The following EIF4H variants were observed in gnomAD, a reference collection of about 807,000 sequenced individuals.
The protein encoded by EIF4H is eukaryotic translation initiation factor 4H.
A neutral mutation model predicts 30.6 loss-of-function variants in EIF4H; 8 were observed. That is an observed-to-expected ratio of 0.26 (90% CI 0.15 to 0.47). EIF4H has a LOEUF of 0.47. Ranked by LOEUF, EIF4H falls within the 20% of genes least tolerant of loss-of-function variation. The pLI, the probability that EIF4H is intolerant of heterozygous loss-of-function variation, is 0.99. For synonymous variants in EIF4H, 106 were observed against 122.7 expected (o/e 0.86, Z 0.90); for missense variants, 188 against 339.5 (o/e 0.55, Z 3.51).
chr7:74,176,165 A>T (rs115682218), intron 1 of EIF4H, among the ~76,000 whole-genome samples: 2,541 of 152,242 alleles, frequency 0.017, 63 homozygotes, highest in African/African-American at 0.058. Context: ...GAAACTACAT[A>T]AAGTATTGCT....
At chr7:74,186,189 G>A (rs903919799) in intron 1 of EIF4H, among the ~76,000 whole-genome samples, 13 of 151,054 alleles carry the variant, frequency 8.6e-5, no homozygotes, top group South Asian at 4.2e-4. Flanking sequence ...GGCAAATATC[G>A]TTTAATATAA....
At chr7:74,185,890 G>T (rs1056454173) in intron 1 of EIF4H, among the ~76,000 whole-genome samples, 1 of 152,074 alleles carries the variant, frequency 6.6e-6, no homozygotes, top group Non-Finnish European at 1.5e-5. Flanking sequence ...GAGCAAACAG[G>T]AAATGGGTTA....
In EIF4H at chr7:74,189,981, C is replaced by T. The variant is rs1450431290; in HGVS notation, c.409+63C>T. 1.2e-5 allele frequency: 19 copies of T among 1,559,868 alleles called. No homozygotes were observed. In the Admixed American group the frequency reaches 2.0e-4, roughly 16 times the overall value. On this transcript the variant is annotated intron_variant, in intron 4 of 6. Coordinates refer to ENST00000265753, the MANE Select transcript of EIF4H (RefSeq NM_022170.2). ...TGCAGTATGCCTACCAATTCCAACT[C>T]GTGAACGTTCCTAGTAGAACTCGAT... is the stretch of plus-strand genomic sequence containing the variant.
chr7:74,184,893 C>T (rs1300510107), intron 1 of EIF4H, among the ~76,000 whole-genome samples: 2 of 152,080 alleles, frequency 1.3e-5, no homozygotes, highest in African/African-American at 2.4e-5. Context: ...GTTGGCCAGG[C>T]TGGTCTTGAA....
At chr7:74,184,501 A>T (rs1365318960) in intron 1 of EIF4H, among the ~76,000 whole-genome samples, 1 of 152,076 alleles carries the variant, frequency 6.6e-6, no homozygotes, top group African/African-American at 2.4e-5. Flanking sequence ...TATACGTCCC[A>T]CACAACTGTG....
intron 5 of EIF4H, 35 bp downstream of exon 5, chr7:74,190,341 C>T: frequency 6.2e-7 from 1 of 1,600,916 alleles, no homozygotes; most frequent in Non-Finnish European, 8.6e-7. Context: ...CTTAATTTTT[C>T]CTAGGAGCCT....
intron 5 of EIF4H, chr7:74,191,105 A>G (rs1554709859): frequency 1.9e-6 from 1 of 517,708 alleles, no homozygotes; most frequent in Non-Finnish European, 3.9e-6. Flanking sequence ...GGACTGGTGC[A>G]CGCTGTCTTG....
chr7:74,186,788 A>ATTTTTTTTTTTTTTTTTT (rs564794579), intron 1 of EIF4H, among the ~76,000 whole-genome samples: 1 of 70,088 alleles, frequency 1.4e-5, no homozygotes, highest in African/African-American at 4.9e-5. Flanking sequence ...ACAAGGAGAA[A>ATTTTTTTTTTTTTTTTTT]TTTTTTTTTT....
At chr7:74,192,796 G>T (rs1376851319) in intron 5 of EIF4H, among the ~76,000 whole-genome samples, 1 of 148,678 alleles carries the variant, frequency 6.7e-6, no homozygotes, top group Non-Finnish European at 1.5e-5. Flanking sequence ...TCCTGCCTCA[G>T]CCTCCCAAGT....
At chr7:74,177,127 T>A (rs1218161640) in intron 1 of EIF4H, among the ~76,000 whole-genome samples, 1 of 152,152 alleles carries the variant, frequency 6.6e-6, no homozygotes, top group African/African-American at 2.4e-5. Context: ...GAATTCTTTT[T>A]TAAATAGAGA....
At chr7:74,177,845 G>A (rs1370766303) in intron 1 of EIF4H, among the ~76,000 whole-genome samples, 1 of 152,228 alleles carries the variant, frequency 6.6e-6, no homozygotes, top group African/African-American at 2.4e-5. Context: ...GAATAAGGCA[G>A]ACCAGAGTTT....
rs560466954 is a variant in EIF4H, at chr7:74,196,886, C to T, written c.*1578C>T. On this transcript the variant is annotated 3_prime_UTR_variant, in exon 7 of 7. Transcript: ENST00000265753. ...ATGCATTATGTGGTGTAATCAAACC[C>T]GATGCTTTCAGATGACCTACTTACA... 8 of 152,754 alleles carry T rather than the reference C, an allele frequency of 5.2e-5. No individual in the cohort carries two copies. Among genetic ancestry groups the T allele is most frequent in the South Asian group, 4.1e-4 (2 of 4,830 alleles). The allele number at this position is 152,754 out of a possible 1,614,324, so 9.5% of individuals were successfully genotyped here.
chr7:74,190,209 G>T (rs1554709711), intron 4 of EIF4H, 38 bp from the exon 5 acceptor site: 1 of 1,603,136 alleles, frequency 6.2e-7, no homozygotes, highest in Non-Finnish European at 8.5e-7. Context: ...GCAAGGTAAT[G>T]ACACGACCTC....
chr7:74,180,608 T>TA (rs1800938516), intron 1 of EIF4H, among the ~76,000 whole-genome samples: 1 of 152,238 alleles, frequency 6.6e-6, no homozygotes, highest in South Asian at 2.1e-4. Context: ...AAATGTGGAA[T>TA]ATTGTGAACC....
At chr7:74,186,826 T>A (rs1273146103) in intron 1 of EIF4H, among the ~76,000 whole-genome samples, 1 of 79,390 alleles carries the variant, frequency 1.3e-5, no homozygotes, top group African/African-American at 5.1e-5. Context: ...TTTTTTTTTT[T>A]TTTTTTTTTT....
chr7:74,191,432 A>T, intron 5 of EIF4H: 1 of 374,458 alleles, frequency 2.7e-6, no homozygotes, highest in Non-Finnish European at 5.3e-6. Flanking sequence ...GCGCTCAAGC[A>T]GAGACACAGT....
At chr7:74,191,282 G>A (rs782645719) in intron 5 of EIF4H, 4 of 533,018 alleles carry the variant, frequency 7.5e-6, no homozygotes, top group South Asian at 5.6e-5. Context: ...GTCTCTGATT[G>A]AAACATGCAG....
chr7:74,183,892 C>T (rs1014565688), intron 1 of EIF4H: 1 of 152,260 alleles, frequency 6.6e-6, no homozygotes, highest in Non-Finnish European at 1.5e-5. Flanking sequence ...CCTGCTGCCC[C>T]CTAGTGATTT....
intron 1 of EIF4H, among the ~76,000 whole-genome samples, chr7:74,187,102 G>GT (rs1801101860): frequency 6.6e-6 from 1 of 152,106 alleles, no homozygotes; most frequent in Non-Finnish European, 1.5e-5. Context: ...CAGATTCTGA[G>GT]TGAATAGGAG....
Sources: allele counts gnomAD v4.1 joint callset (sites outside exome capture counted in the v4.1 genomes callset), GRCh38; gene constraint gnomAD v4.1.1; transcripts MANE v1.5; gene names NCBI Gene and HGNC (gene_info 2026-07-23, HGNC 2026-07-21).